The following PDE10A variants were observed in gnomAD, a reference collection of about 807,000 sequenced individuals.
The protein encoded by PDE10A is cAMP and cAMP-inhibited cGMP 3',5'-cyclic phosphodiesterase 10A.
A neutral mutation model predicts 97.7 loss-of-function variants in PDE10A; 39 were observed. That is an observed-to-expected ratio of 0.40 (90% CI 0.31 to 0.52). The LOEUF is 0.52. Among genes scored for constraint, PDE10A ranks in the 20% least tolerant of loss-of-function variants. PDE10A has a pLI of 0.56. For synonymous variants in PDE10A, 371 were observed against 376.8 expected (o/e 0.98, Z 0.18); for missense variants, 731 against 1,047.8 (o/e 0.70, Z 4.17).
At chr6:165,567,053 C>A (rs1444437508) in intron 1 of PDE10A, among the ~76,000 whole-genome samples, 2 of 152,122 alleles carry the variant, frequency 1.3e-5, no homozygotes, top group African/African-American at 4.8e-5. Flanking sequence ...ACCAAATATC[C>A]GTCAACATTA....
At chr6:165,437,338 C>G (rs372334225) in intron 5 of PDE10A, among the ~76,000 whole-genome samples, 1 of 152,000 alleles carries the variant, frequency 6.6e-6, no homozygotes, top group Non-Finnish European at 1.5e-5. Flanking sequence ...CTATCTTATA[C>G]ATTCCTACAT....
chr6:165,754,419 A>G (rs1290652083), intron 1 of PDE10A: 1 of 152,228 alleles, frequency 6.6e-6, no homozygotes, highest in Non-Finnish European at 1.5e-5. Flanking sequence ...ACTACTAACT[A>G]CAATTACTAA....
At chr6:165,739,642 G>A (rs1792670406) in intron 1 of PDE10A, among the ~76,000 whole-genome samples, 1 of 151,752 alleles carries the variant, frequency 6.6e-6, no homozygotes, top group African/African-American at 2.4e-5. Context: ...GTAAACAAAT[G>A]GGATTACATC....
chr6:165,471,121 C>A (rs190880875), intron 3 of PDE10A, among the ~76,000 whole-genome samples: 38 of 152,306 alleles, frequency 2.5e-4, no homozygotes, highest in African/African-American at 8.9e-4. Flanking sequence ...ACCCAAAGGT[C>A]AGCTCTCAGT....
chr6:165,708,154 G>T (rs1309890760), intron 1 of PDE10A, among the ~76,000 whole-genome samples: 1 of 152,150 alleles, frequency 6.6e-6, no homozygotes, highest in East Asian at 1.9e-4. Context: ...CCGGGAGCTG[G>T]GCTGTCAGGC....
At chr6:165,979,095 C>G (rs1394862247) in intron 1 of PDE10A, among the ~76,000 whole-genome samples, 1 of 152,174 alleles carries the variant, frequency 6.6e-6, no homozygotes. Flanking sequence ...CGGTTTATTA[C>G]TCAGAGTGAG....
chr6:165,619,479 CTAGTGT>C (rs1787982913), intron 1 of PDE10A, among the ~76,000 whole-genome samples: 1 of 18,150 alleles, frequency 5.5e-5, no homozygotes. Flanking sequence ...GTAGTGTAGT[CTAGTGT>C]AGTCTAGTGT....
At chr6:165,638,008 C>T (rs967830919) in intron 1 of PDE10A, among the ~76,000 whole-genome samples, 7 of 152,170 alleles carry the variant, frequency 4.6e-5, no homozygotes, top group African/African-American at 1.7e-4. Flanking sequence ...TCCTTTCCTC[C>T]AGCCAGCCCT....
At chr6:165,548,385 G>A (rs1488312195) in intron 1 of PDE10A, among the ~76,000 whole-genome samples, 1 of 145,886 alleles carries the variant, frequency 6.9e-6, no homozygotes, top group Non-Finnish European at 1.5e-5. Context: ...ATTATATTTA[G>A]GTCTCTTTGG....
intron 18 of PDE10A, among the ~76,000 whole-genome samples, chr6:165,353,801 G>C (rs1782852371): frequency 6.6e-6 from 1 of 152,154 alleles, no homozygotes; most frequent in Non-Finnish European, 1.5e-5. Flanking sequence ...TACTAAAATG[G>C]TGGATACGTT....
upstream of PDE10A, among the ~76,000 whole-genome samples, chr6:165,665,377 C>G (rs1298792256): frequency 6.6e-6 from 1 of 152,184 alleles, no homozygotes; most frequent in Non-Finnish European, 1.5e-5. Context: ...GGATTCCTTT[C>G]CTTCCCTTTG....
chr6:165,839,060 T>C (rs1337590775), intron 1 of PDE10A, among the ~76,000 whole-genome samples: 1 of 152,260 alleles, frequency 6.6e-6, no homozygotes, highest in African/African-American at 2.4e-5. Flanking sequence ...CCTGGTTTGA[T>C]AGGACTAGTT....
chr6:165,987,976 C>CGTGT (rs149079607), upstream of PDE10A: 942 of 367,222 alleles, frequency 2.6e-3, 2 homozygotes, highest in African/African-American at 0.011. Context: ...TGTGTGCGTG[C>CGTGT]GTGTGTGTGT....
chr6:165,621,617 A>G (rs1465920822), intron 1 of PDE10A, among the ~76,000 whole-genome samples: 1 of 152,140 alleles, frequency 6.6e-6, no homozygotes, highest in Non-Finnish European at 1.5e-5. Context: ...TTAGCCAGGC[A>G]TGGTGGCGGG....
chr6:165,784,711 A>G (rs1778448871), intron 1 of PDE10A, among the ~76,000 whole-genome samples: 1 of 152,220 alleles, frequency 6.6e-6, no homozygotes, highest in South Asian at 2.1e-4. Context: ...GTATTGGGAC[A>G]GCCAGAGACA....
chr6:165,615,072 C>T (rs1218380790), intron 1 of PDE10A, among the ~76,000 whole-genome samples: 2 of 151,528 alleles, frequency 1.3e-5, no homozygotes, highest in Non-Finnish European at 2.9e-5. Flanking sequence ...TAGCCGAGTA[C>T]AGTGGCGGGC....
intron 1 of PDE10A, among the ~76,000 whole-genome samples, chr6:165,601,839 T>C (rs1786967693): frequency 6.6e-6 from 1 of 152,102 alleles, no homozygotes; most frequent in Admixed American, 6.6e-5. Flanking sequence ...CCTAAAAATA[T>C]AAAGAGTCGC....
intron 1 of PDE10A, among the ~76,000 whole-genome samples, chr6:165,598,967 G>A (rs114145838): frequency 0.014 from 2,123 of 152,076 alleles, 48 homozygotes; most frequent in African/African-American, 0.045. Flanking sequence ...TCTACCCTAC[G>A]CAGACTGCCT....
intron 1 of PDE10A, among the ~76,000 whole-genome samples, chr6:165,937,026 G>A (rs913996081): frequency 2.6e-5 from 4 of 152,230 alleles, no homozygotes; most frequent in Non-Finnish European, 4.4e-5. Context: ...CCATTTGCTT[G>A]CGCTGAGACG....
Sources: gnomAD v4.1 joint callset for allele counts (sites outside exome capture counted in the v4.1 genomes callset) on GRCh38, gnomAD v4.1.1 for gene constraint, MANE v1.5 for transcripts, NCBI Gene and HGNC (gene_info 2026-07-23, HGNC 2026-07-21) for gene names.